IL1RAPL1: variants seen among roughly 807,000 people sequenced by gnomAD.
IL1RAPL1 encodes interleukin-1 receptor accessory protein-like 1.
A neutral mutation model predicts 48.4 loss-of-function variants in IL1RAPL1; 3 were observed. The observed-to-expected ratio is 0.06, with a 90% CI of 0.03 to 0.16. The LOEUF is 0.16. IL1RAPL1 is among the 10% of genes least tolerant of loss of function. IL1RAPL1 has a pLI of 1.00. For synonymous variants in IL1RAPL1, 185 were observed against 187.7 expected (o/e 0.99, Z 0.12); for missense variants, 349 against 530.6 (o/e 0.66, Z 3.36).
chrX:29,885,004 A>G (rs1932118160), intron 6 of IL1RAPL1, among the ~76,000 whole-genome samples: 1 of 109,723 alleles, frequency 9.1e-6, no homozygotes, highest in African/African-American at 3.4e-5. Context: ...AGTCCTTACA[A>G]TGATCTACAA....
chrX:29,772,130 G>A (rs191596141), intron 6 of IL1RAPL1, among the ~76,000 whole-genome samples: 151 of 109,030 alleles, frequency 1.4e-3, no homozygotes, highest in African/African-American at 4.3e-3. Context: ...TATTAGTGGC[G>A]CACACCTGTA....
intron 5 of IL1RAPL1, among the ~76,000 whole-genome samples, chrX:29,557,507 A>C (rs972391562): frequency 8.9e-6 from 1 of 112,019 alleles, no homozygotes; most frequent in Non-Finnish European, 1.9e-5. Context: ...CATAGTAGCC[A>C]TATTTTGTGT....
At chrX:29,574,809 C>T (rs1302135581) in intron 5 of IL1RAPL1, among the ~76,000 whole-genome samples, 1 of 111,815 alleles carries the variant, frequency 8.9e-6, no homozygotes, top group African/African-American at 3.3e-5. Context: ...ATCTTGAATG[C>T]TTTGCTGCTT....
At chrX:29,733,428 C>T (rs1927969938) in intron 6 of IL1RAPL1, among the ~76,000 whole-genome samples, 1 of 111,848 alleles carries the variant, frequency 8.9e-6, no homozygotes, top group Non-Finnish European at 1.9e-5. Context: ...AAACCAATCA[C>T]ACAAGTTGAT....
At chrX:29,108,395 T>TTTTG (rs1040438317) in intron 2 of IL1RAPL1, among the ~76,000 whole-genome samples, 1 of 110,565 alleles carries the variant, frequency 9.0e-6, no homozygotes, top group Non-Finnish European at 1.9e-5. Flanking sequence ...AGCATTTTGT[T>TTTTG]TTTGTTTGTT....
chrX:28,645,663 G>A (rs1368475716), intron 1 of IL1RAPL1, among the ~76,000 whole-genome samples: 1 of 111,454 alleles, frequency 9.0e-6, no homozygotes, highest in African/African-American at 3.3e-5. Context: ...ATTGAAAGCA[G>A]GAAGAGTAAC....
intron 5 of IL1RAPL1, among the ~76,000 whole-genome samples, chrX:29,562,240 T>G (rs947086401): frequency 4.6e-5 from 5 of 108,017 alleles, no homozygotes; most frequent in Non-Finnish European, 7.6e-5. Context: ...GCTCAAGTGA[T>G]CCTCCCACCT....
At chrX:29,053,046 A>T (rs779394958) in intron 2 of IL1RAPL1, among the ~76,000 whole-genome samples, 227 of 111,099 alleles carry the variant, frequency 2.0e-3, no homozygotes, top group African/African-American at 7.3e-3. Flanking sequence ...ACCCTCTGAT[A>T]GGCCCCAGTG....
At chrX:29,389,805 A>T (rs1484937661) in intron 3 of IL1RAPL1, among the ~76,000 whole-genome samples, 1 of 112,331 alleles carries the variant, frequency 8.9e-6, no homozygotes, top group Non-Finnish European at 1.9e-5. Flanking sequence ...AAGGCAGTAA[A>T]CTGGCATTTT....
chrX:29,306,530 GAA>G (rs1166748708), intron 3 of IL1RAPL1, among the ~76,000 whole-genome samples: 561 of 33,432 alleles, frequency 0.017, 2 homozygotes, highest in Non-Finnish European at 0.023. Flanking sequence ...TCTGTCAAAA[GAA>G]AAAAAAAAAA....
chrX:29,617,595 G>A (rs1156746428), intron 5 of IL1RAPL1, among the ~76,000 whole-genome samples: 1 of 111,693 alleles, frequency 9.0e-6, no homozygotes, highest in African/African-American at 3.3e-5. Context: ...TTGAAAAGCC[G>A]GCAACGAAAG....
At chrX:28,617,167 G>T (rs1934230398) in intron 1 of IL1RAPL1, among the ~76,000 whole-genome samples, 2 of 111,826 alleles carry the variant, frequency 1.8e-5, no homozygotes, top group African/African-American at 6.5e-5. Flanking sequence ...AAAAGAAAAA[G>T]ATGTTAACAT....
At chrX:28,669,638 ATATATAAC>A (rs1322022862) in intron 1 of IL1RAPL1, among the ~76,000 whole-genome samples, 2 of 103,636 alleles carry the variant, frequency 1.9e-5, no homozygotes. Context: ...TTATATATAT[ATATATAAC>A]TTATATATAT....
chrX:28,704,421 AACACACACACACACACAC>A (rs71703533), intron 1 of IL1RAPL1, among the ~76,000 whole-genome samples: 142 of 89,538 alleles, frequency 1.6e-3, no homozygotes, highest in Admixed American at 3.5e-3. Flanking sequence ...AAAACACACA[AACACACACACACACACAC>A]ACACACACAC....
chrX:29,186,895 C>G (rs756327943), intron 2 of IL1RAPL1, among the ~76,000 whole-genome samples: 6 of 111,143 alleles, frequency 5.4e-5, no homozygotes, highest in Non-Finnish European at 9.4e-5. Flanking sequence ...ACCACATATT[C>G]TCACTTATAA....
At chrX:28,976,076 T>G (rs1392374256) in intron 2 of IL1RAPL1, among the ~76,000 whole-genome samples, 1 of 112,405 alleles carries the variant, frequency 8.9e-6, no homozygotes, top group African/African-American at 3.2e-5. Flanking sequence ...ATGTAATGTC[T>G]TGTAAGTTAA....
intron 2 of IL1RAPL1, among the ~76,000 whole-genome samples, chrX:28,988,429 C>T (rs1220508631): frequency 1.8e-5 from 2 of 111,384 alleles, no homozygotes; most frequent in Non-Finnish European, 3.8e-5. Context: ...TGCCATCTGG[C>T]ATTCTTGCTG....
intron 5 of IL1RAPL1, among the ~76,000 whole-genome samples, chrX:29,418,108 TA>T (rs1569307091): frequency 1.9e-4 from 8 of 41,373 alleles, no homozygotes; most frequent in East Asian, 1.2e-3. Flanking sequence ...TATATATATA[TA>T]TATATATATA....
At position 29,185,914 on chromosome X, in the gene IL1RAPL1, T is replaced by TA. The variant is rs1930242649; in HGVS notation, c.83-97024_83-97023insA. Among the ~76,000 whole-genome samples, 3 of 110,831 alleles carry TA rather than the reference T, an allele frequency of 2.7e-5. No individual in the cohort carries two copies. In the Admixed American group the frequency reaches 2.9e-4, roughly 11 times the overall value. On this transcript the variant is annotated intron_variant, in intron 2 of 10. Transcript: ENST00000378993. ...TTTTGACAAAGGAAATAAAGAGGTATTCTAGGCAAGGGGCAGCAAATGACT... is the reference window on the plus strand; with the variant it reads ...TTTTGACAAAGGAAATAAAGAGGTATATCTAGGCAAGGGGCAGCAAATGACT...
Sources: allele counts gnomAD v4.1 joint callset (sites outside exome capture counted in the v4.1 genomes callset), GRCh38; gene constraint gnomAD v4.1.1; transcripts MANE v1.5; gene names NCBI Gene and HGNC (gene_info 2026-07-23, HGNC 2026-07-21).